Variants in CASP1 observed in about 807,000 individuals in gnomAD.
CASP1 encodes the protein caspase-1.
CASP1 carries 31 observed loss-of-function variants against 41.2 expected under a neutral mutation model. That is an observed-to-expected ratio of 0.75 (90% confidence interval 0.57 to 1.02). The LOEUF is 1.02. Among genes scored for constraint, CASP1 ranks in the 50% least tolerant of loss-of-function variants. The probability of loss-of-function intolerance (pLI) is 0.00; values close to 1 mark genes in which losing one functional copy is unlikely to be tolerated. For synonymous variants in CASP1, 163 were observed against 166.5 expected (o/e 0.98, Z 0.16); for missense variants, 490 against 495.7 (o/e 0.99, Z 0.11).
At chr11:105,028,951 G>A (rs1170818515) in intron 7 of CASP1, among the ~76,000 whole-genome samples, 173 bp downstream of exon 7, 2 of 152,104 alleles carry the variant, frequency 1.3e-5, no homozygotes, top group East Asian at 1.9e-4. Context: ...TCTTTAATTA[G>A]TAATGCATTG....
chr11:105,035,216 G>T, upstream of CASP1: 2 of 1,378,452 alleles, frequency 1.5e-6, no homozygotes, highest in Non-Finnish European at 2.1e-6. Context: ...CACTGTGCAT[G>T]CATATGCATG....
In CASP1 at chr11:105,034,434, G is replaced by T; in HGVS notation, c.48C>A (p.Ser16=). Residue 16 remains serine, a synonymous_variant, in exon 2 of 9, where the codon TCC becomes TCA. Coordinates refer to ENST00000533400, the MANE Select transcript of CASP1 (RefSeq NM_001257118.3). ...LKEKRKLFIR[S]MGEGTINGLL... is the part of the protein sequence containing the mutation. ...AGCCATTTATTGTACCTTCACCCAT[G>T]GAACGGATAAACAGCTTTCTCTTCT... The T allele has an allele frequency of 6.2e-7, 1 of 1,614,066 alleles. No individual in the cohort carries two copies. Among genetic ancestry groups the T allele is most frequent in the Non-Finnish European group, 8.5e-7 (1 of 1,179,982 alleles).
chr11:105,030,942 G>A, intron 4 of CASP1: 1 of 487,484 alleles, frequency 2.1e-6, no homozygotes, highest in South Asian at 2.5e-5. Context: ...GCATTCAATA[G>A]CTGTCATCAC....
At chr11:105,035,297 T>C, upstream of CASP1, 1 of 769,316 alleles carries the variant, frequency 1.3e-6, no homozygotes. Context: ...TGGGAAATTT[T>C]CTTCACCAGC....
Position 105,034,259 on chromosome 11 carries a change from A to T in CASP1, c.223T>A (p.Tyr75Asn). Residue 75 changes from tyrosine (Y) to asparagine (N), a missense_variant, in exon 2 of 9, where the codon TAC becomes AAC. Coordinates refer to ENST00000533400, the MANE Select transcript of CASP1 (RefSeq NM_001257118.3). Reference protein sequence around the residue: ...GAQACQICITYICEEDSYLAG... With the variant: ...GAQACQICITNICEEDSYLAG... The stretch of plus-strand genomic sequence containing the variant: ...AGGTAACTGTCTTCTTCACAAATGT[A>T]TGTGATGCAAATTTGGCATGCCTGT... 1 of 1,614,122 alleles carries T rather than the reference A, an allele frequency of 6.2e-7. No homozygotes were observed. Among genetic ancestry groups the T allele is most frequent in the Non-Finnish European group, 8.5e-7 (1 of 1,179,980 alleles).
At position 105,026,916 on chromosome 11, in the gene CASP1, C is replaced by T. The variant is rs373010916; in HGVS notation, c.1042G>A (p.Val348Ile). The T allele has an allele frequency of 1.0e-5, 16 of 1,608,010 alleles. No individual in the cohort carries two copies. Among genetic ancestry groups the T allele is most frequent in the African/African-American group, 1.3e-5 (1 of 74,748 alleles). The change falls in exon 8 of 9, where the codon GTT becomes ATT. Residue 348 changes from valine (V) to isoleucine (I), a missense_variant. Transcript: ENST00000533400. The part of the protein sequence containing the change: ...VSWRHPTMGS[V>I]FIGRLIEHMQ... The stretch of plus-strand genomic sequence containing the variant: ...TGTTCAATGAGTCTTCCAATAAAAA[C>T]AGAGCCCATTGTGGGATGTCTCCAA...
chr11:105,028,970 T>G (rs569227428), intron 7 of CASP1, among the ~76,000 whole-genome samples, 154 bp downstream of exon 7: 2 of 152,186 alleles, frequency 1.3e-5, no homozygotes, highest in Non-Finnish European at 2.9e-5. Context: ...TGAACAGATA[T>G]GCAAAATTGC....
Position 105,026,353 on chromosome 11 carries a change from G to A in CASP1, c.1120C>T (p.Arg374Ter), listed in dbSNP as rs750821528. 14 of 1,600,812 alleles carry A rather than the reference G, an allele frequency of 8.7e-6. No individual in the cohort carries two copies. The highest frequency in any genetic ancestry group is 6.7e-5 in the East Asian group (3 of 44,672). The change falls in exon 9 of 9, where the codon CGA (arginine) becomes TGA (stop). Residue 374 changes from arginine to a stop codon, truncating the protein, a stop_gained. Transcript: ENST00000533400. LOFTEE classifies it low-confidence loss of function (END_TRUNC). ...CDVEEIFRKV[R>*]FSFEQPDGRA... ...CCATCTGGCTGCTCAAATGAAAATCGAACCTAAAAGAGTAAGGAAAGTCTG... is the reference window on the plus strand; with the variant it reads ...CCATCTGGCTGCTCAAATGAAAATCAAACCTAAAAGAGTAAGGAAAGTCTG...
chr11:105,032,211 G>T (rs516095), intron 3 of CASP1, among the ~76,000 whole-genome samples: 73,902 of 151,962 alleles, frequency 0.49, 18,561 homozygotes, highest in African/African-American at 0.61. Context: ...GGAGAAGAAC[G>T]AATTAGAATA....
intron 7 of CASP1, 102 bp from the exon 8 acceptor site, chr11:105,027,053 A>G: frequency 1.3e-6 from 1 of 758,384 alleles, no homozygotes; most frequent in Non-Finnish European, 2.4e-6. Context: ...TTGAAATCAT[A>G]AATTTAGTAG....
At chr11:105,030,204 C>G in intron 5 of CASP1, 126 bp downstream of exon 5, 2 of 831,588 alleles carry the variant, frequency 2.4e-6, no homozygotes, top group Non-Finnish European at 3.8e-6. Flanking sequence ...CCAGCACTCT[C>G]TCATGGCAAG....
upstream of CASP1, among the ~76,000 whole-genome samples, chr11:105,035,407 A>C (rs1448085160): frequency 6.6e-6 from 1 of 152,124 alleles, no homozygotes. Context: ...AGAGTTTCTC[A>C]ATCATTAGAA....
At chr11:105,033,556 C>T (rs112027437) in intron 2 of CASP1, among the ~76,000 whole-genome samples, 34 of 152,246 alleles carry the variant, frequency 2.2e-4, no homozygotes, top group African/African-American at 8.2e-4. Context: ...TTCCTGAGCC[C>T]TGTATTGGGC....
chr11:105,028,735 G>C (rs548161051), intron 7 of CASP1, among the ~76,000 whole-genome samples: 1 of 152,064 alleles, frequency 6.6e-6, no homozygotes, highest in South Asian at 2.1e-4. Flanking sequence ...AAAGTGTCTC[G>C]CTTGCTGTTC....
intron 7 of CASP1, among the ~76,000 whole-genome samples, chr11:105,028,230 C>T (rs1565402556): frequency 6.6e-6 from 1 of 152,074 alleles, no homozygotes. Context: ...CAAGCTTCTT[C>T]TGAAAGAAGA....
At chr11:105,027,602 C>T (rs1427699974) in intron 7 of CASP1, among the ~76,000 whole-genome samples, 1 of 152,010 alleles carries the variant, frequency 6.6e-6, no homozygotes, top group Non-Finnish European at 1.5e-5. Flanking sequence ...GCAGCAATAG[C>T]TCTGTATGTA....
chr11:105,026,371 A>G lies in CASP1; in HGVS notation c.1117-15T>C, dbSNP rs1295056234. The G allele has an allele frequency of 6.4e-7, 1 of 1,565,378 alleles. No homozygotes were observed. The highest frequency in any genetic ancestry group is 8.8e-7 in the Non-Finnish European group (1 of 1,138,292). Reference sequence around the variant, plus strand: ...GAAAATCGAACCTAAAAGAGTAAGGAAAGTCTGTAGCCCTTTTTTTTGCTG... The same window carrying G: ...GAAAATCGAACCTAAAAGAGTAAGGGAAGTCTGTAGCCCTTTTTTTTGCTG... On this transcript the variant is annotated splice_polypyrimidine_tract_variant and intron_variant, in intron 8 of 8. Transcript: ENST00000533400.
chr11:105,034,611 C>A, intron 1 of CASP1, 137 bp from the exon 2 acceptor site: 1 of 1,375,272 alleles, frequency 7.3e-7, no homozygotes, highest in Non-Finnish European at 1.0e-6. Flanking sequence ...CCTCTTCTTA[C>A]TGTATTGCTG....
At chr11:105,027,703 C>T (rs546276042) in intron 7 of CASP1, among the ~76,000 whole-genome samples, 1 of 152,142 alleles carries the variant, frequency 6.6e-6, no homozygotes, top group Admixed American at 6.6e-5. Flanking sequence ...AGAAACCCAG[C>T]TATCTCAGCT....
Sources: gnomAD v4.1 joint callset for allele counts (sites outside exome capture counted in the v4.1 genomes callset) on GRCh38, gnomAD v4.1.1 for gene constraint, MANE v1.5 for transcripts, NCBI Gene and HGNC (gene_info 2026-07-23, HGNC 2026-07-21) for gene names.